The following TTF1 variants were observed in gnomAD, a reference collection of about 807,000 sequenced individuals.
The protein encoded by TTF1 is transcription termination factor, RNA polymerase I.
Under a neutral mutation model 80.2 loss-of-function variants are expected in TTF1, and 64 were observed. The ratio of observed to expected loss-of-function variants is 0.80; its 90% CI spans 0.65 to 0.98. The LOEUF (loss-of-function observed/expected upper bound fraction) is 0.98. TTF1 is among the 50% of genes least tolerant of loss of function. The pLI is 0.00. For synonymous variants in TTF1, 372 were observed against 382.7 expected, an observed-to-expected ratio of 0.97 and a Z score of 0.33; for missense variants, 1,023 against 1,086.2, an observed-to-expected ratio of 0.94 and a Z score of 0.82.
At position 132,376,145 on chromosome 9, in the gene TTF1, T is replaced by C; in HGVS notation, c.2488A>G (p.Thr830Ala). ...FPEIIDYLYE[T>A]TLPLLKEKLE... ...TTTTCCTTCAGCAAAGGTAGAGTCG[T>C]CTCATAAAGGTAGTCGATGATCTCT... is the stretch of plus-strand genomic sequence containing the variant. Residue 830 changes from threonine (T) to alanine (A), a missense_variant, in exon 11 of 11, where the codon ACG becomes GCG. Physicochemically the swap from Thr to Ala is moderately conservative, Grantham distance 58. Transcript: ENST00000334270. The C allele has an allele frequency of 1.9e-6, 3 of 1,613,690 alleles. No homozygotes were observed. The highest frequency in any genetic ancestry group is 2.5e-6 in the Non-Finnish European group (3 of 1,180,002).
At chr9:132,387,894 G>A (rs1209690261) in intron 8 of TTF1, among the ~76,000 whole-genome samples, 3 of 152,214 alleles carry the variant, frequency 2.0e-5, no homozygotes, top group African/African-American at 2.4e-5. Context: ...TGTTTCACAC[G>A]TTATTTTCTT....
intron 10 of TTF1, among the ~76,000 whole-genome samples, chr9:132,378,032 G>GCA (rs1849263763): frequency 1.4e-5 from 2 of 140,556 alleles, no homozygotes; most frequent in Non-Finnish European, 3.1e-5. Context: ...GTGAGTGCAT[G>GCA]TGGTGTGTGT....
At chr9:132,406,585 A>G (rs569015942) in intron 1 of TTF1, among the ~76,000 whole-genome samples, 1 of 147,638 alleles carries the variant, frequency 6.8e-6, no homozygotes, top group East Asian at 2.0e-4. Flanking sequence ...CTGGGCGACA[A>G]GAGCAAAACT....
intron 5 of TTF1, among the ~76,000 whole-genome samples, chr9:132,395,257 T>C (rs915843271): frequency 1.3e-5 from 2 of 152,174 alleles, no homozygotes; most frequent in Non-Finnish European, 2.9e-5. Context: ...AATAATTCTT[T>C]GATTTTTTAC....
At chr9:132,381,668 TAGAAA>T (rs1417374068) in intron 9 of TTF1, among the ~76,000 whole-genome samples, 1 of 152,078 alleles carries the variant, frequency 6.6e-6, no homozygotes, top group Admixed American at 6.6e-5. Context: ...TCAGATGAGC[TAGAAA>T]AGAAAAGACT....
intron 5 of TTF1, among the ~76,000 whole-genome samples, chr9:132,393,275 C>A (rs922276636): frequency 2.0e-4 from 30 of 151,970 alleles, no homozygotes; most frequent in Non-Finnish European, 3.4e-4. Flanking sequence ...GCAAGCCCCC[C>A]CCGCAAACTG....
rs1025944059 is a variant in TTF1, at chr9:132,378,721, TGTGA to T, written c.2464+334_2464+337del. ...ATGTGGTGTGAGTGCATGTGGTGTG[TGTGA>T]GTGCTTGCATGTGGTGTGGTGCACG... On this transcript the variant is annotated intron_variant, in intron 10 of 10. Coordinates refer to ENST00000334270, the MANE Select transcript of TTF1 (RefSeq NM_007344.4). Among the ~76,000 whole-genome samples the T allele has an allele frequency of 1.0e-3, 157 of 151,420 alleles. 2 individuals carry two copies. The highest frequency in any genetic ancestry group is 3.4e-3 in the African/African-American group (141 of 41,118).
intron 10 of TTF1, among the ~76,000 whole-genome samples, chr9:132,378,485 GTGTGAATGCATGTGA>G (rs1299916360): frequency 3.3e-4 from 49 of 149,086 alleles, no homozygotes; most frequent in East Asian, 2.0e-4. Context: ...CATGTGGTGT[GTGTGAATGCATGTGA>G]TGTGAGTGCA....
Position 132,401,460 on chromosome 9 carries a change from C to A in TTF1, c.1362G>T (p.Ala454=), listed in dbSNP as rs61741946. 7 of 1,605,232 alleles carry A rather than the reference C, an allele frequency of 4.4e-6. No individual in the cohort carries two copies. The highest frequency in any genetic ancestry group is 6.0e-6 in the Non-Finnish European group (7 of 1,175,094). ...GAATACCACTCCCTCGTTACCTTGG[C>A]GCCTCTTGCACGTGCTTGCTTGCCA... ...ACLASKHVQE[A]PRLEPANEEH... is the part of the protein sequence containing the mutation. The change falls in exon 2 of 11, where the codon GCG becomes GCT. Residue 454 remains alanine (A), a synonymous_variant. Coordinates refer to ENST00000334270, the MANE Select transcript of TTF1 (RefSeq NM_007344.4).
chr9:132,378,726 G>A (rs1302634047), intron 10 of TTF1, among the ~76,000 whole-genome samples: 1 of 150,978 alleles, frequency 6.6e-6, no homozygotes, highest in African/African-American at 2.5e-5. Flanking sequence ...GTGTGTGTGA[G>A]TGCTTGCATG....
intron 6 of TTF1, 65 bp from the exon 7 acceptor site, chr9:132,390,896 A>G: frequency 6.9e-7 from 1 of 1,446,746 alleles, no homozygotes; most frequent in Non-Finnish European, 9.5e-7. Flanking sequence ...AATATTAAAA[A>G]TGAAATGATA....
Position 132,400,138 on chromosome 9 carries a change from T to C in TTF1, c.1488A>G (p.Lys496=), listed in dbSNP as rs1323553168. The C allele has an allele frequency of 6.2e-7, 1 of 1,614,178 alleles. No homozygotes were observed. The highest frequency in any genetic ancestry group is 1.1e-5 in the South Asian group (1 of 91,080). The change falls in exon 3 of 11, where the codon AAA becomes AAG. Residue 496 remains lysine, a synonymous_variant. Coordinates refer to ENST00000334270, the MANE Select transcript of TTF1 (RefSeq NM_007344.4). ...DSDADLGSAV[K]QLQEFIPNIK... is the part of the protein sequence containing the mutation. ...TGTTAGGAATGAACTCCTGAAGCTG[T>C]TTCACGGCAGAACCCAAATCCGCAT...
chr9:132,376,170 T>C lies in TTF1; in HGVS notation c.2465-2A>G, dbSNP rs1849172920. ...TCTCATAAAGGTAGTCGATGATCTC[T>C]ACAGAAAAGAAATTTAATTGTGCAG... On this transcript the variant is annotated splice_acceptor_variant, in intron 10 of 10. Transcript: ENST00000334270. LOFTEE classifies it high-confidence loss of function. 1 of 1,607,768 alleles carries C rather than the reference T, an allele frequency of 6.2e-7. No individual in the cohort carries two copies.
At chr9:132,388,358 A>T in intron 7 of TTF1, 130 bp from the exon 8 acceptor site, 2 of 538,996 alleles carry the variant, frequency 3.7e-6, no homozygotes, top group African/African-American at 2.0e-5. Flanking sequence ...TTTTTTTGAG[A>T]CGGGGTCTCA....
Position 132,390,515 on chromosome 9 carries a change from C to T in TTF1, c.2222+82G>A, listed in dbSNP as rs560156297. 368 of 1,358,078 alleles carry T rather than the reference C, an allele frequency of 2.7e-4. 1 individual carries two copies. Among genetic ancestry groups the T allele is most frequent in the East Asian group, 5.3e-4 (23 of 43,488 alleles). The allele number at this position is 1,358,078 out of a possible 1,614,324, so 84.1% of individuals were successfully genotyped here. The stretch of plus-strand genomic sequence containing the variant: ...TGTTCTTGACACGTCAGCTTCCCCA[C>T]GGCAGTTACACAGATATTCTTGGTA... On this transcript the variant is annotated intron_variant, in intron 7 of 10. Coordinates refer to ENST00000334270, the MANE Select transcript of TTF1 (RefSeq NM_007344.4).
rs1849386548 is a variant in TTF1 at position 132,382,601 on chromosome 9, A to AGATGACGATCT, written c.2379-3458_2379-3457insAGATCGTCATC. ...TGTATTCCTCCAAAATTTCACTACC[A>AGATGACGATCT]TCAACAGCAAAGATGGACGATCTTC... On this transcript the variant is annotated intron_variant, in intron 9 of 10. Coordinates refer to ENST00000334270, the MANE Select transcript of TTF1 (RefSeq NM_007344.4). Among the ~76,000 whole-genome samples, 4 of 152,066 alleles carry AGATGACGATCT rather than the reference A, an allele frequency of 2.6e-5. No individual in the cohort carries two copies. The South Asian group carries it at 8.3e-4, about 32-fold the overall frequency.
chr9:132,390,825 T>A lies in TTF1; in HGVS notation c.1994A>T (p.Asn665Ile). Residue 665 changes from asparagine (N) to isoleucine (I), a missense_variant, in exon 7 of 11, where the codon AAT becomes ATT. Physicochemically the swap from Asn to Ile is moderately radical, Grantham distance 149. Transcript: ENST00000334270. ...LKFSQISSQR[N>I]RGAWSKSETR... ...TTCAGACTTACTCCAAGCACCACGA[T>A]TTCTTTCTGTAGATATAAAAAGATG... 6.2e-7 allele frequency: 1 copy of A among 1,613,780 alleles called. No homozygotes were observed. Among genetic ancestry groups the A allele is most frequent in the Non-Finnish European group, 8.5e-7 (1 of 1,179,908 alleles).
At chr9:132,387,831 A>T (rs970362844) in intron 8 of TTF1, among the ~76,000 whole-genome samples, 7 of 152,228 alleles carry the variant, frequency 4.6e-5, no homozygotes, top group African/African-American at 1.7e-4. Flanking sequence ...GGCGTAAATA[A>T]TTTATATCCA....
At chr9:132,385,675 G>A (rs186372618) in intron 9 of TTF1, among the ~76,000 whole-genome samples, 5 of 152,238 alleles carry the variant, frequency 3.3e-5, no homozygotes, top group South Asian at 2.1e-4. Flanking sequence ...GATTGCCCCC[G>A]ACGTCCCTTC....
Sources: gnomAD v4.1 joint callset for allele counts (sites outside exome capture counted in the v4.1 genomes callset) on GRCh38, gnomAD v4.1.1 for gene constraint, MANE v1.5 for transcripts, NCBI Gene and HGNC (gene_info 2026-07-23, HGNC 2026-07-21) for gene names.